KCNN2: variants seen among roughly 807,000 people sequenced by gnomAD.
KCNN2 encodes the protein small conductance calcium-activated potassium channel protein 2.
A neutral mutation model predicts 55.5 loss-of-function variants in KCNN2; 24 were observed. That is an observed-to-expected ratio of 0.43 (90% CI 0.31 to 0.61). The LOEUF (loss-of-function observed/expected upper bound fraction) is 0.61, where lower values mean the gene tolerates loss of function less well. Ranked by LOEUF, KCNN2 falls within the 20% of genes least tolerant of loss-of-function variation. The pLI, the probability that KCNN2 is intolerant of heterozygous loss-of-function variation, is 0.08. For synonymous variants in KCNN2, 431 were observed against 336.1 expected (o/e 1.28, Z -3.09); for missense variants, 754 against 853.6 (o/e 0.88, Z 1.45).
intron 2 of KCNN2, among the ~76,000 whole-genome samples, chr5:114,321,386 A>G (rs1055773067): frequency 1.3e-5 from 2 of 152,116 alleles, no homozygotes; most frequent in African/African-American, 4.8e-5. Flanking sequence ...GGGCAGGTCT[A>G]CATGTTTCTA....
At chr5:114,209,892 T>A (rs942012572) in intron 1 of KCNN2, among the ~76,000 whole-genome samples, 2 of 152,106 alleles carry the variant, frequency 1.3e-5, no homozygotes, top group African/African-American at 4.8e-5. Context: ...TCCTTATTTG[T>A]GAATTCACCT....
chr5:114,157,584 G>A (rs894476904), intron 1 of KCNN2, among the ~76,000 whole-genome samples: 11 of 152,282 alleles, frequency 7.2e-5, no homozygotes, highest in South Asian at 2.1e-4. Context: ...TTGCCACACT[G>A]ACTTCCACAA....
rs1284004027 is a variant in KCNN2 at position 114,384,167 on chromosome 5, A to T, written c.1218+20166A>T. 2.6e-5 allele frequency among the ~76,000 whole-genome samples: 4 copies of T among 152,348 alleles called. No individual in the cohort carries two copies. The East Asian group carries it at 7.7e-4, about 29-fold the overall frequency. ...TGTACCACTTTTTTCTGTCAGTTGT[A>T]ATCATAAAACAAATAAATACCTCTT... On this transcript the variant is annotated intron_variant, in intron 2 of 7. Coordinates refer to ENST00000673685, the MANE Select transcript of KCNN2 (RefSeq NM_021614.4).
intron 1 of KCNN2, among the ~76,000 whole-genome samples, chr5:114,072,938 AT>A (rs1401357288): frequency 1.3e-5 from 2 of 152,170 alleles, no homozygotes; most frequent in Non-Finnish European, 2.9e-5. Context: ...AATAACATCT[AT>A]TTTTATCTCT....
At chr5:114,278,553 C>A (rs1369930878) in intron 2 of KCNN2, among the ~76,000 whole-genome samples, 1 of 152,240 alleles carries the variant, frequency 6.6e-6, no homozygotes, top group Non-Finnish European at 1.5e-5. Flanking sequence ...AACATAGAAC[C>A]ACCTACTTAA....
intron 1 of KCNN2, among the ~76,000 whole-genome samples, chr5:114,062,371 C>A (rs972201217): frequency 2.0e-5 from 3 of 152,176 alleles, no homozygotes; most frequent in Non-Finnish European, 4.4e-5. Context: ...ACTGAAAGAG[C>A]ACCCTACCTC....
chr5:114,404,910 G>T, intron 3 of KCNN2, 54 bp downstream of exon 3: 1 of 1,498,678 alleles, frequency 6.7e-7, no homozygotes, highest in African/African-American at 1.4e-5. Context: ...ATCTTCACAA[G>T]TAAGAAAAAA....
At chr5:114,312,424 CACACACACACAT>C (rs1561566479) in intron 2 of KCNN2, among the ~76,000 whole-genome samples, 20 of 60,196 alleles carry the variant, frequency 3.3e-4, no homozygotes, top group South Asian at 1.5e-3. Flanking sequence ...CACACACACA[CACACACACACAT>C]ATATATATAT....
chr5:114,123,561 C>T (rs1038822903), intron 1 of KCNN2, among the ~76,000 whole-genome samples: 1 of 85,976 alleles, frequency 1.2e-5, no homozygotes, highest in Non-Finnish European at 2.4e-5. Flanking sequence ...GACGGGGTTT[C>T]ACTGTGTTAG....
chr5:114,493,293 C>A, intron 6 of KCNN2, 110 bp from the exon 7 acceptor site: 1 of 781,612 alleles, frequency 1.3e-6, no homozygotes, highest in Non-Finnish European at 2.3e-6. Flanking sequence ...ATGTTCAAGG[C>A]ATTATCCATG....
intron 2 of KCNN2, among the ~76,000 whole-genome samples, chr5:114,302,324 C>T (rs984591743): frequency 2.0e-5 from 3 of 152,154 alleles, no homozygotes; most frequent in African/African-American, 7.2e-5. Context: ...ATACAATGAA[C>T]ATTTATTTGT....
At chr5:114,062,727 A>G (rs1750358640) in intron 1 of KCNN2, among the ~76,000 whole-genome samples, 1 of 152,210 alleles carries the variant, frequency 6.6e-6, no homozygotes, top group South Asian at 2.1e-4. Flanking sequence ...TTATACTTAA[A>G]AAGTGTTTTG....
At chr5:114,097,998 C>T (rs1472064950) in intron 1 of KCNN2, among the ~76,000 whole-genome samples, 23 of 152,058 alleles carry the variant, frequency 1.5e-4, no homozygotes, top group Admixed American at 1.2e-3. Flanking sequence ...TTTGCATGGC[C>T]GAAATTAAGG....
intron 1 of KCNN2, among the ~76,000 whole-genome samples, chr5:114,111,817 G>A (rs1023055701): frequency 1.2e-4 from 18 of 152,170 alleles, no homozygotes; most frequent in African/African-American, 1.4e-4. Flanking sequence ...TCATTGTAAA[G>A]TCAGGAAACA....
intron 1 of KCNN2, among the ~76,000 whole-genome samples, chr5:114,209,062 C>CTTT (rs34525244): frequency 8.9e-5 from 13 of 146,878 alleles, no homozygotes; most frequent in South Asian, 4.3e-4. Flanking sequence ...TGACTTCTGC[C>CTTT]TTTTTTTTTT....
chr5:114,338,314 T>G (rs1756956585), intron 2 of KCNN2, among the ~76,000 whole-genome samples: 1 of 152,204 alleles, frequency 6.6e-6, no homozygotes, highest in Non-Finnish European at 1.5e-5. Flanking sequence ...TGCCACTGAT[T>G]TCTTCTAAAT....
intron 2 of KCNN2, among the ~76,000 whole-genome samples, chr5:114,274,447 A>G (rs1330757212): frequency 1.3e-5 from 2 of 152,098 alleles, no homozygotes; most frequent in African/African-American, 4.8e-5. Flanking sequence ...TTTTCATGAT[A>G]TTGATTTTTC....
intron 1 of KCNN2, among the ~76,000 whole-genome samples, chr5:114,220,480 C>A (rs1394913701): frequency 6.6e-6 from 1 of 151,730 alleles, no homozygotes; most frequent in Non-Finnish European, 1.5e-5. Context: ...AATACTAAAG[C>A]AGTTTTTCAA....
intron 2 of KCNN2, among the ~76,000 whole-genome samples, chr5:114,318,773 T>C (rs1489352857): frequency 2.6e-5 from 4 of 152,124 alleles, no homozygotes; most frequent in Non-Finnish European, 5.9e-5. Flanking sequence ...GTTTAGATTC[T>C]CTTCCTTCAT....
Sources: gnomAD v4.1 joint callset for allele counts (sites outside exome capture counted in the v4.1 genomes callset) on GRCh38, gnomAD v4.1.1 for gene constraint, MANE v1.5 for transcripts, NCBI Gene and HGNC (gene_info 2026-07-23, HGNC 2026-07-21) for gene names.